HS3ST4: variants seen among roughly 807,000 people sequenced by gnomAD.
The protein encoded by HS3ST4 is heparan sulfate glucosamine 3-O-sulfotransferase 4.
In HS3ST4, 17 loss-of-function variants were observed where a neutral mutation model predicts 29.2. The ratio of observed to expected loss-of-function variants is 0.58; its 90% confidence interval spans 0.40 to 0.87. HS3ST4 has a LOEUF of 0.87. Ranked by LOEUF, HS3ST4 falls within the 40% of genes least tolerant of loss-of-function variation. HS3ST4 has a pLI of 0.00. For missense variants in HS3ST4, 627 were observed against 634.5 expected, an observed-to-expected ratio of 0.99 and a Z score of 0.13; for synonymous variants, 314 against 285.7, an observed-to-expected ratio of 1.10 and a Z score of -1.00.
intron 1 of HS3ST4, among the ~76,000 whole-genome samples, chr16:25,926,194 CT>C (rs1968401300): frequency 6.6e-6 from 1 of 152,152 alleles, no homozygotes; most frequent in Admixed American, 6.5e-5. Flanking sequence ...CCCAAAAGAT[CT>C]TTCATGCCCC....
chr16:25,913,804 G>A (rs1209065174), intron 1 of HS3ST4, among the ~76,000 whole-genome samples: 3 of 151,696 alleles, frequency 2.0e-5, no homozygotes, highest in Non-Finnish European at 4.4e-5. Context: ...GGGTGTATAT[G>A]TGTGGGGTGT....
intron 1 of HS3ST4, among the ~76,000 whole-genome samples, chr16:26,123,366 G>A (rs1899301729): frequency 1.3e-5 from 2 of 152,124 alleles, no homozygotes; most frequent in Admixed American, 1.3e-4. Flanking sequence ...TCAAGATGAC[G>A]ATGCACCTGG....
chr16:25,850,206 T>G (rs1028070606), intron 1 of HS3ST4, among the ~76,000 whole-genome samples: 11 of 151,954 alleles, frequency 7.2e-5, no homozygotes, highest in Non-Finnish European at 1.3e-4. Context: ...TCCATGTTGG[T>G]TAGGCTGGTC....
chr16:25,814,330 G>GGTTTT (rs1397149631), intron 1 of HS3ST4, among the ~76,000 whole-genome samples: 35 of 151,980 alleles, frequency 2.3e-4, no homozygotes, highest in African/African-American at 7.7e-4. Context: ...TGTTATGTCT[G>GGTTTT]GTTTTGTTTT....
intron 1 of HS3ST4, among the ~76,000 whole-genome samples, chr16:25,972,970 T>C (rs942437815): frequency 6.6e-6 from 1 of 152,226 alleles, no homozygotes; most frequent in Non-Finnish European, 1.5e-5. Flanking sequence ...TTGAGTTTCC[T>C]ACTGGATCAA....
At chr16:25,744,018 G>T (rs1000380747) in intron 1 of HS3ST4, among the ~76,000 whole-genome samples, 7 of 152,072 alleles carry the variant, frequency 4.6e-5, no homozygotes, top group Admixed American at 2.0e-4. Context: ...GATTACACTT[G>T]ACTCCATTCT....
chr16:25,760,461 T>G (rs1317637213), intron 1 of HS3ST4, among the ~76,000 whole-genome samples: 1 of 147,686 alleles, frequency 6.8e-6, no homozygotes, highest in African/African-American at 2.5e-5. Context: ...CTCTGTCACC[T>G]TGGCTGGAGT....
At chr16:25,859,219 A>C (rs187979744) in intron 1 of HS3ST4, among the ~76,000 whole-genome samples, 2 of 152,194 alleles carry the variant, frequency 1.3e-5, no homozygotes, top group African/African-American at 4.8e-5. Context: ...GACAGAAAAT[A>C]AAAATACAAT....
At chr16:25,916,890 A>G (rs1596613180) in intron 1 of HS3ST4, among the ~76,000 whole-genome samples, 1 of 151,872 alleles carries the variant, frequency 6.6e-6, no homozygotes, top group East Asian at 2.0e-4. Flanking sequence ...CGTGTTAGCC[A>G]GGATGGTCTC....
At chr16:25,794,109 A>G (rs1233004160) in intron 1 of HS3ST4, among the ~76,000 whole-genome samples, 1 of 151,984 alleles carries the variant, frequency 6.6e-6, no homozygotes, top group East Asian at 1.9e-4. Context: ...CCAGTCTTGG[A>G]TTAAGGTATG....
intron 1 of HS3ST4, among the ~76,000 whole-genome samples, chr16:25,715,081 G>A (rs548225161): frequency 2.6e-5 from 4 of 151,920 alleles, no homozygotes; most frequent in Non-Finnish European, 5.9e-5. Flanking sequence ...CCAGCACTTT[G>A]GGAGGCCGAG....
chr16:26,032,081 T>A (rs1389634921), intron 1 of HS3ST4, among the ~76,000 whole-genome samples: 2 of 152,170 alleles, frequency 1.3e-5, no homozygotes, highest in Admixed American at 1.3e-4. Context: ...GTGGCATCAC[T>A]GGAAAGTCCA....
chr16:26,038,084 C>A (rs1338911648), intron 1 of HS3ST4, among the ~76,000 whole-genome samples: 2 of 152,146 alleles, frequency 1.3e-5, no homozygotes, highest in African/African-American at 4.8e-5. Context: ...CACTCTATAA[C>A]CCCTCTCTTG....
rs1222765469 is a variant in HS3ST4, at chr16:25,692,003, G to C, written c.-415G>C. On this transcript the variant is annotated 5_prime_UTR_variant, in exon 1 of 2. Transcript: ENST00000331351. ...TCTCTCCCGGCAGAAAGTTAGCAGC[G>C]GGGAAGGAACTCCGGGCTGCAACAG... 3 of 151,592 alleles carry C rather than the reference G, an allele frequency of 2.0e-5. No homozygotes were observed. Among genetic ancestry groups the C allele is most frequent in the Non-Finnish European group, 2.9e-5 (2 of 67,952 alleles). The allele number at this position is 151,592 out of a possible 1,614,324, so 9.4% of individuals were successfully genotyped here. A position where few individuals can be genotyped will look rare whatever the true frequency, so the allele number is the denominator to read the frequency against.
At chr16:25,967,997 G>A (rs775281348) in intron 1 of HS3ST4, among the ~76,000 whole-genome samples, 4 of 152,200 alleles carry the variant, frequency 2.6e-5, no homozygotes, top group Non-Finnish European at 5.9e-5. Context: ...TCATCCCAAT[G>A]ATCAAAATAT....
At chr16:25,870,890 G>A (rs1040522038) in intron 1 of HS3ST4, among the ~76,000 whole-genome samples, 11 of 152,118 alleles carry the variant, frequency 7.2e-5, no homozygotes, top group Non-Finnish European at 1.2e-4. Flanking sequence ...CAGGATGTAC[G>A]GCACATGAGA....
intron 1 of HS3ST4, among the ~76,000 whole-genome samples, chr16:25,904,684 A>G (rs1968162488): frequency 6.6e-6 from 1 of 152,170 alleles, no homozygotes. Context: ...AAGAATTTTG[A>G]GATTTTAATA....
intron 1 of HS3ST4, among the ~76,000 whole-genome samples, chr16:26,049,401 G>A (rs956308200): frequency 4.2e-5 from 6 of 144,006 alleles, no homozygotes; most frequent in African/African-American, 1.3e-4. Flanking sequence ...GTCTACATCC[G>A]GAGAATGATG....
chr16:25,983,178 G>C (rs1281285676), intron 1 of HS3ST4, among the ~76,000 whole-genome samples: 1 of 152,198 alleles, frequency 6.6e-6, no homozygotes, highest in Non-Finnish European at 1.5e-5. Context: ...CCTTCCACTA[G>C]AGAAGCCCAG....
Sources: allele counts gnomAD v4.1 joint callset (sites outside exome capture counted in the v4.1 genomes callset), GRCh38; gene constraint gnomAD v4.1.1; transcripts MANE v1.5; gene names NCBI Gene and HGNC (gene_info 2026-07-23, HGNC 2026-07-21).